Variants in CFDP1 observed in about 807,000 individuals in gnomAD.
CFDP1 encodes heterochromatin-stabilizing protein CFDP1.
Under a neutral mutation model 40.1 loss-of-function variants are expected in CFDP1, and 31 were observed. The ratio of observed to expected loss-of-function variants is 0.77; its 90% CI spans 0.58 to 1.04. The LOEUF (loss-of-function observed/expected upper bound fraction) is 1.04, where lower values mean the gene tolerates loss of function less well. CFDP1 is among the 50% of genes least tolerant of loss of function. The pLI, the probability that CFDP1 is intolerant of heterozygous loss-of-function variation, is 0.00. For missense variants in CFDP1, 423 were observed against 343.4 expected, an observed-to-expected ratio of 1.23 and a Z score of -1.83; for synonymous variants, 167 against 120.0, an observed-to-expected ratio of 1.39 and a Z score of -2.56.
chr16:75,354,930 T>C (rs779176950), intron 5 of CFDP1, among the ~76,000 whole-genome samples: 17 of 152,320 alleles, frequency 1.1e-4, no homozygotes, highest in Non-Finnish European at 1.8e-4. Flanking sequence ...ACCTAGGAGA[T>C]ATTTTGGGTT....
intron 5 of CFDP1, among the ~76,000 whole-genome samples, chr16:75,367,625 T>A (rs192661899): frequency 3.2e-3 from 492 of 151,680 alleles, no homozygotes; most frequent in Admixed American, 5.9e-3. Context: ...AAACCCCATC[T>A]CTACTAAAAA....
At chr16:75,345,091 T>G (rs769775651) in intron 5 of CFDP1, among the ~76,000 whole-genome samples, 14 of 151,944 alleles carry the variant, frequency 9.2e-5, no homozygotes, top group Non-Finnish European at 1.3e-4. Context: ...TTTGGGAGAC[T>G]GAGGCAGGAG....
chr16:75,425,903 G>A (rs1353637162), intron 1 of CFDP1, among the ~76,000 whole-genome samples: 1 of 151,088 alleles, frequency 6.6e-6, no homozygotes, highest in Non-Finnish European at 1.5e-5. Flanking sequence ...AGGCGTGGTG[G>A]CAGGCGCCTA....
intron 5 of CFDP1, among the ~76,000 whole-genome samples, chr16:75,345,994 T>C (rs1263164485): frequency 6.6e-6 from 1 of 152,092 alleles, no homozygotes; most frequent in Non-Finnish European, 1.5e-5. Context: ...CAAGAAGAAA[T>C]CTGAATGCAT....
intron 5 of CFDP1, among the ~76,000 whole-genome samples, chr16:75,314,057 G>A (rs2078310588): frequency 6.6e-6 from 1 of 152,042 alleles, no homozygotes; most frequent in Non-Finnish European, 1.5e-5. Context: ...GCTAATTTTT[G>A]CATTTTTAAT....
At chr16:75,423,845 G>A (rs776354907) in intron 1 of CFDP1, among the ~76,000 whole-genome samples, 3 of 152,144 alleles carry the variant, frequency 2.0e-5, no homozygotes, top group East Asian at 1.9e-4. Context: ...GATTACAGGC[G>A]TGAGCAACTG....
chr16:75,298,087 A>G (rs1399647354), intron 6 of CFDP1, among the ~76,000 whole-genome samples: 2 of 152,224 alleles, frequency 1.3e-5, no homozygotes, highest in African/African-American at 4.8e-5. Context: ...AATTATTTAA[A>G]ATACTGCATA....
chr16:75,311,179 T>C (rs1359387392), intron 5 of CFDP1, among the ~76,000 whole-genome samples: 1 of 152,208 alleles, frequency 6.6e-6, no homozygotes, highest in Non-Finnish European at 1.5e-5. Flanking sequence ...CCCAAGTTTA[T>C]AGCAGGAGAC....
chr16:75,390,045 T>C (rs2078934230), intron 5 of CFDP1, among the ~76,000 whole-genome samples: 1 of 152,214 alleles, frequency 6.6e-6, no homozygotes, highest in Non-Finnish European at 1.5e-5. Flanking sequence ...GGCAGACATA[T>C]CCTTGTAATG....
chr16:75,369,839 G>A (rs748229324), intron 5 of CFDP1, among the ~76,000 whole-genome samples: 1 of 152,006 alleles, frequency 6.6e-6, no homozygotes, highest in Non-Finnish European at 1.5e-5. Context: ...TAAAACCTCC[G>A]CCTCCCAGGT....
intron 5 of CFDP1, among the ~76,000 whole-genome samples, chr16:75,312,526 A>T (rs1286712033): frequency 6.6e-6 from 1 of 152,194 alleles, no homozygotes; most frequent in Non-Finnish European, 1.5e-5. Flanking sequence ...TTCTTTGCTA[A>T]GCCAATAATG....
intron 1 of CFDP1, among the ~76,000 whole-genome samples, chr16:75,432,248 T>C (rs72787169): frequency 0.051 from 7,552 of 148,946 alleles, 242 homozygotes; most frequent in Middle Eastern, 0.12. Context: ...TAGAAATACT[T>C]CACTAGCCGG....
intron 5 of CFDP1, among the ~76,000 whole-genome samples, chr16:75,357,463 C>T (rs1241389569): frequency 6.6e-6 from 1 of 152,012 alleles, no homozygotes; most frequent in Non-Finnish European, 1.5e-5. Context: ...CCATATTGGC[C>T]AGGCTGGTCT....
chr16:75,405,796 G>T (rs2079092669), intron 4 of CFDP1, among the ~76,000 whole-genome samples: 1 of 149,018 alleles, frequency 6.7e-6, no homozygotes, highest in African/African-American at 2.5e-5. Context: ...GTATGCACCT[G>T]CAGTCCTAGC....
intron 5 of CFDP1, among the ~76,000 whole-genome samples, chr16:75,333,112 T>C (rs2078459297): frequency 7.1e-6 from 1 of 141,834 alleles, no homozygotes; most frequent in African/African-American, 2.6e-5. Context: ...CCAGCCAGCC[T>C]ACTCATGTTC....
At chr16:75,351,261 A>G (rs11860231) in intron 5 of CFDP1, among the ~76,000 whole-genome samples, 78,588 of 151,958 alleles carry the variant, frequency 0.52, 21,422 homozygotes, top group Admixed American at 0.64. Context: ...ATAATTATTT[A>G]CTCTATGTAT....
chr16:75,404,428 A>C (rs1489347083), intron 4 of CFDP1, among the ~76,000 whole-genome samples: 1 of 151,746 alleles, frequency 6.6e-6, no homozygotes, highest in African/African-American at 2.4e-5. Flanking sequence ...TCACCGTGTT[A>C]GCCAGGATGG....
rs115994769 is a variant in CFDP1, at chr16:75,305,885, G to A, written c.651-703C>T. On this transcript the variant is annotated intron_variant, in intron 5 of 6. Transcript: ENST00000283882. ...ATTCCTCACTCCGAAAGCTCACACG[G>A]GGAATGTACAGCCTGTGCTCCACTT... 4.8e-3 allele frequency among the ~76,000 whole-genome samples: 729 copies of A among 152,288 alleles called. 10 individuals are homozygous for A. The highest frequency in any genetic ancestry group is 0.017 in the African/African-American group (715 of 41,554).
intron 5 of CFDP1, among the ~76,000 whole-genome samples, chr16:75,362,532 T>G (rs967712197): frequency 3.9e-5 from 6 of 152,208 alleles, no homozygotes; most frequent in African/African-American, 1.4e-4. Flanking sequence ...GATTTTTGGT[T>G]TGGAAAATAT....
Sources: allele counts gnomAD v4.1 joint callset (sites outside exome capture counted in the v4.1 genomes callset), GRCh38; gene constraint gnomAD v4.1.1; transcripts MANE v1.5; gene names NCBI Gene and HGNC (gene_info 2026-07-23, HGNC 2026-07-21).